The following ARID3B variants were observed in gnomAD, a reference collection of about 807,000 sequenced individuals.
ARID3B encodes AT-rich interaction domain 3B, also known as AT-rich interactive domain-containing protein 3B.
Under a neutral mutation model 51.9 loss-of-function variants are expected in ARID3B, and 10 were observed. The ratio of observed to expected loss-of-function variants is 0.19; its 90% CI spans 0.12 to 0.33. The LOEUF (loss-of-function observed/expected upper bound fraction) is 0.33. ARID3B is among the 10% of genes least tolerant of loss of function. The pLI, the probability that ARID3B is intolerant of heterozygous loss-of-function variation, is 1.00. For synonymous variants in ARID3B, 205 were observed against 279.5 expected, an observed-to-expected ratio of 0.73 and a Z score of 2.66; for missense variants, 483 against 716.3, an observed-to-expected ratio of 0.67 and a Z score of 3.72.
At chr15:74,594,181 G>A (rs554495869) in intron 8 of ARID3B, among the ~76,000 whole-genome samples, 3 of 152,328 alleles carry the variant, frequency 2.0e-5, no homozygotes, top group Admixed American at 2.0e-4. Flanking sequence ...GGGCGCGGTG[G>A]CTCACGCCTG....
chr15:74,592,972 T>C (rs903655169), intron 7 of ARID3B, among the ~76,000 whole-genome samples, 166 bp from the exon 8 acceptor site: 26 of 152,166 alleles, frequency 1.7e-4, no homozygotes, highest in Non-Finnish European at 3.7e-4. Flanking sequence ...AACAGGAGAT[T>C]GGCGAGCCTG....
chr15:74,549,266 G>A (rs1431308646), intron 2 of ARID3B, among the ~76,000 whole-genome samples: 4 of 151,886 alleles, frequency 2.6e-5, no homozygotes, highest in Non-Finnish European at 5.9e-5. Flanking sequence ...TAGTAGAGAC[G>A]GGGTTTCACC....
intron 4 of ARID3B, among the ~76,000 whole-genome samples, chr15:74,587,193 A>G (rs2061784759): frequency 6.6e-6 from 1 of 152,234 alleles, no homozygotes; most frequent in African/African-American, 2.4e-5. Flanking sequence ...TAGTATTTTA[A>G]TAAGATTGGC....
chr15:74,553,408 C>T (rs2061645045), intron 2 of ARID3B, among the ~76,000 whole-genome samples: 2 of 152,212 alleles, frequency 1.3e-5, no homozygotes, highest in African/African-American at 4.8e-5. Context: ...GCATTCAAGG[C>T]TATAGAGTTT....
intron 1 of ARID3B, among the ~76,000 whole-genome samples, chr15:74,541,676 G>A (rs1195092527): frequency 7.0e-6 from 1 of 142,008 alleles, no homozygotes; most frequent in East Asian, 2.3e-4. Context: ...GGGGGGAGGT[G>A]AATAAAGAAT....
Position 74,544,374 on chromosome 15 carries a change from C to T in ARID3B, c.438C>T (p.Leu146=), listed in dbSNP as rs148000812. 3.8e-5 allele frequency: 61 copies of T among 1,613,326 alleles called. No homozygotes were observed. Among genetic ancestry groups the T allele is most frequent in the Non-Finnish European group, 4.7e-5 (55 of 1,179,612 alleles). Residue 146 remains leucine, a synonymous_variant, in exon 2 of 9, where the codon CTC becomes CTT. Coordinates refer to ENST00000346246, the MANE Select transcript of ARID3B (RefSeq NM_006465.4). ...PMSNLLPAPG[L]PPHGQQAKED... ...CCAATCTACTTCCAGCACCAGGGCT[C>T]CCACCACATGGACAACAAGCTAAAG... is the stretch of plus-strand genomic sequence containing the variant.
At chr15:74,563,883 C>G (rs1490731647) in intron 2 of ARID3B, among the ~76,000 whole-genome samples, 1 of 152,176 alleles carries the variant, frequency 6.6e-6, no homozygotes, top group East Asian at 1.9e-4. Flanking sequence ...GGGAAGTCTT[C>G]TTGATCATTG....
chr15:74,551,134 G>A (rs1478816422), intron 2 of ARID3B, among the ~76,000 whole-genome samples: 3 of 152,164 alleles, frequency 2.0e-5, no homozygotes, highest in Non-Finnish European at 4.4e-5. Flanking sequence ...GTTGAAAATA[G>A]TTTACATATA....
At chr15:74,586,087 T>C (rs1345824723) in intron 4 of ARID3B, among the ~76,000 whole-genome samples, 1 of 152,182 alleles carries the variant, frequency 6.6e-6, no homozygotes, top group Non-Finnish European at 1.5e-5. Context: ...GATCAGGGCA[T>C]GGGGGCTCGT....
chr15:74,544,032 C>G lies in ARID3B; in HGVS notation c.96C>G (p.Gly32=), dbSNP rs776098624. The change falls in exon 2 of 9, where the codon GGC becomes GGG. Residue 32 remains glycine (G), a synonymous_variant. Transcript: ENST00000346246. ...PLQMDAREKQ[G]QQMREAQFLY... ...AGATGGATGCCAGAGAGAAGCAGGG[C>G]CAGCAGATGAGAGAAGCCCAGTTCT... 83 of 1,612,238 alleles carry G rather than the reference C, an allele frequency of 5.1e-5. No homozygotes were observed. The highest frequency in any genetic ancestry group is 6.7e-5 in the Non-Finnish European group (79 of 1,179,250).
At chr15:74,572,722 T>C in intron 2 of ARID3B, 140 bp from the exon 3 acceptor site, 1 of 771,202 alleles carries the variant, frequency 1.3e-6, no homozygotes, top group East Asian at 2.6e-5. Context: ...ATTAGTCTTC[T>C]GAGTTGTCTT....
At chr15:74,560,637 A>G (rs137944387) in intron 2 of ARID3B, among the ~76,000 whole-genome samples, 18 of 152,314 alleles carry the variant, frequency 1.2e-4, no homozygotes, top group African/African-American at 4.1e-4. Context: ...TTAAAAAAAT[A>G]CCATGGTGTC....
intron 2 of ARID3B, among the ~76,000 whole-genome samples, chr15:74,551,532 T>A (rs759507256): frequency 2.0e-5 from 3 of 152,198 alleles, no homozygotes; most frequent in Non-Finnish European, 4.4e-5. Flanking sequence ...CTTCCAGGTT[T>A]CCAGGGACTT....
intron 4 of ARID3B, among the ~76,000 whole-genome samples, chr15:74,585,950 GCT>G (rs1381311110): frequency 2.0e-5 from 3 of 152,202 alleles, no homozygotes; most frequent in African/African-American, 7.2e-5. Flanking sequence ...CATAGCCTCC[GCT>G]CTGTTTCTGA....
At chr15:74,553,803 TTTTATTTATTTA>T (rs202077230) in intron 2 of ARID3B, among the ~76,000 whole-genome samples, 24 of 150,242 alleles carry the variant, frequency 1.6e-4, no homozygotes, top group Admixed American at 3.4e-4. Flanking sequence ...GTTTTTTAAT[TTTTATTTATTTA>T]TTTATTTATT....
intron 2 of ARID3B, among the ~76,000 whole-genome samples, chr15:74,560,563 C>T (rs888217446): frequency 1.3e-5 from 2 of 151,964 alleles, no homozygotes; most frequent in Non-Finnish European, 2.9e-5. Context: ...ATCACATAAG[C>T]GGTATGAATA....
At chr15:74,562,603 C>G (rs1343464357) in intron 2 of ARID3B, among the ~76,000 whole-genome samples, 3 of 152,228 alleles carry the variant, frequency 2.0e-5, no homozygotes, top group African/African-American at 7.2e-5. Flanking sequence ...CCTCTCACCA[C>G]AGCCTCCCAA....
chr15:74,562,651 C>T (rs571850250), intron 2 of ARID3B, among the ~76,000 whole-genome samples: 2 of 152,254 alleles, frequency 1.3e-5, no homozygotes, highest in East Asian at 3.9e-4. Context: ...CTCACCTGGT[C>T]CCCATCATAA....
intron 4 of ARID3B, among the ~76,000 whole-genome samples, chr15:74,588,336 C>T (rs992682992): frequency 1.3e-5 from 2 of 152,054 alleles, no homozygotes; most frequent in African/African-American, 4.8e-5. Context: ...CTTGAACCAT[C>T]CTGTAAAAGA....
Sources: gnomAD v4.1 joint callset for allele counts (sites outside exome capture counted in the v4.1 genomes callset) on GRCh38, gnomAD v4.1.1 for gene constraint, MANE v1.5 for transcripts, NCBI Gene and HGNC (gene_info 2026-07-23, HGNC 2026-07-21) for gene names.